The following DCDC2 variants were observed in gnomAD, a reference collection of about 807,000 sequenced individuals.
The protein encoded by DCDC2 is doublecortin domain containing 2.
DCDC2 carries 40 observed loss-of-function variants against 50.2 expected under a neutral mutation model. That is an observed-to-expected ratio of 0.80 (90% CI 0.62 to 1.04). The LOEUF (loss-of-function observed/expected upper bound fraction) is 1.04. Ranked by LOEUF, DCDC2 falls within the 50% of genes least tolerant of loss-of-function variation. The pLI, the probability that DCDC2 is intolerant of heterozygous loss-of-function variation, is 0.00. For missense variants in DCDC2, 570 were observed against 581.9 expected (o/e 0.98, Z 0.21); for synonymous variants, 234 against 210.6 (o/e 1.11, Z -0.96).
chr6:24,261,766 G>A (rs1046050559), intron 7 of DCDC2, among the ~76,000 whole-genome samples: 12 of 152,114 alleles, frequency 7.9e-5, no homozygotes, highest in Admixed American at 7.9e-4. Context: ...CATCTACTAA[G>A]CATAGCTTTT....
chr6:24,339,304 C>G (rs1291511927), intron 2 of DCDC2, among the ~76,000 whole-genome samples: 1 of 152,074 alleles, frequency 6.6e-6, no homozygotes, highest in Non-Finnish European at 1.5e-5. Context: ...CCGCCTGTAT[C>G]CTCCCACACA....
chr6:24,182,659 C>T (rs148963209), intron 8 of DCDC2, among the ~76,000 whole-genome samples: 2,775 of 75,684 alleles, frequency 0.037, 35 homozygotes, highest in Middle Eastern at 0.1. Context: ...AGAAAACAAG[C>T]GTTGACAAGG....
At chr6:24,288,082 T>A (rs991135383) in intron 6 of DCDC2, among the ~76,000 whole-genome samples, 2 of 152,192 alleles carry the variant, frequency 1.3e-5, no homozygotes, top group African/African-American at 4.8e-5. Context: ...TAGGAGACAA[T>A]ATCATTGCCT....
intron 4 of DCDC2, among the ~76,000 whole-genome samples, chr6:24,297,465 A>T (rs1759277780): frequency 6.6e-6 from 1 of 152,192 alleles, no homozygotes; most frequent in South Asian, 2.1e-4. Context: ...CCTAAAATAC[A>T]AGTTTAAAAA....
intron 7 of DCDC2, among the ~76,000 whole-genome samples, chr6:24,251,292 C>T (rs902043456): frequency 6.6e-6 from 1 of 152,118 alleles, no homozygotes; most frequent in Non-Finnish European, 1.5e-5. Context: ...AAAAGTGAAC[C>T]CCAAATGGCG....
intron 2 of DCDC2, among the ~76,000 whole-genome samples, chr6:24,327,093 A>T (rs1759883257): frequency 6.7e-6 from 1 of 148,992 alleles, no homozygotes; most frequent in Non-Finnish European, 1.5e-5. Flanking sequence ...CAGTCAGGGT[A>T]ACTGCACTGT....
chr6:24,307,753 G>A (rs1242496759), intron 2 of DCDC2, among the ~76,000 whole-genome samples: 1 of 150,934 alleles, frequency 6.6e-6, no homozygotes, highest in South Asian at 2.1e-4. Context: ...ATTTTTTAAA[G>A]AATCATTCTT....
chr6:24,268,432 A>G (rs1763172920), intron 7 of DCDC2, among the ~76,000 whole-genome samples: 1 of 152,182 alleles, frequency 6.6e-6, no homozygotes, highest in African/African-American at 2.4e-5. Flanking sequence ...GGTTGCAGTA[A>G]GCTGAGATCA....
intron 2 of DCDC2, among the ~76,000 whole-genome samples, chr6:24,337,307 TTTCTGGTTTCCTATGGGA>T (rs1760073823): frequency 6.6e-6 from 1 of 152,174 alleles, no homozygotes; most frequent in Non-Finnish European, 1.5e-5. Flanking sequence ...TGTAAAAATA[TTTCTGGTTTCCTATGGGA>T]GCCTTTTTAT....
chr6:24,313,672 A>C (rs891423124), intron 2 of DCDC2, among the ~76,000 whole-genome samples: 19 of 152,242 alleles, frequency 1.2e-4, no homozygotes, highest in Admixed American at 2.6e-4. Context: ...GAAATAAGTC[A>C]TTTAGCCCCC....
intron 2 of DCDC2, among the ~76,000 whole-genome samples, chr6:24,336,344 G>T (rs909818754): frequency 7.2e-5 from 11 of 152,022 alleles, no homozygotes; most frequent in African/African-American, 2.7e-4. Flanking sequence ...TTATTGCAAG[G>T]AAAACTCTTG....
chr6:24,372,149 C>T, the DCDC2 span, among the ~76,000 whole-genome samples: 4 of 152,168 alleles, frequency 2.6e-5, no homozygotes, highest in Non-Finnish European at 4.4e-5. Flanking sequence ...AGGCCGGGCG[C>T]GGTGGCTCAC....
intron 8 of DCDC2, among the ~76,000 whole-genome samples, chr6:24,194,728 T>G (rs1040583655): frequency 6.6e-6 from 1 of 152,224 alleles, no homozygotes; most frequent in Non-Finnish European, 1.5e-5. Flanking sequence ...ATCACAGGCA[T>G]CTGCTAATCA....
chr6:24,377,681 G>A, the DCDC2 span, among the ~76,000 whole-genome samples: 1 of 152,130 alleles, frequency 6.6e-6, no homozygotes, highest in African/African-American at 2.4e-5. Context: ...CTGGCATATA[G>A]GATTAAAAGA....
At chr6:24,316,132 T>C (rs1374072329) in intron 2 of DCDC2, among the ~76,000 whole-genome samples, 2 of 152,154 alleles carry the variant, frequency 1.3e-5, no homozygotes, top group African/African-American at 2.4e-5. Context: ...ACATCTGAGA[T>C]GCCTATGAGA....
At chr6:24,237,884 A>C (rs993322138) in intron 7 of DCDC2, among the ~76,000 whole-genome samples, 1 of 151,784 alleles carries the variant, frequency 6.6e-6, no homozygotes, top group East Asian at 2.0e-4. Flanking sequence ...ATGCATAGAC[A>C]TAAAGATGGG....
chr6:24,328,617 G>C (rs1759915792), intron 2 of DCDC2, among the ~76,000 whole-genome samples: 1 of 152,082 alleles, frequency 6.6e-6, no homozygotes, highest in Non-Finnish European at 1.5e-5. Context: ...TAAATTTTAT[G>C]GTTCTATGTC....
chr6:24,278,752 T>C (rs949933428), intron 6 of DCDC2, among the ~76,000 whole-genome samples: 2 of 152,214 alleles, frequency 1.3e-5, no homozygotes, highest in Non-Finnish European at 2.9e-5. Flanking sequence ...TCAATTAATC[T>C]ACAAATACCT....
At chr6:24,204,855 G>C (rs1761673602) in intron 8 of DCDC2, 147 bp downstream of exon 8, 3 of 711,636 alleles carry the variant, frequency 4.2e-6, no homozygotes, top group Non-Finnish European at 6.9e-6. Context: ...ATGGTGTTTT[G>C]TTATGTTTTT....
Sources: allele counts gnomAD v4.1 joint callset (sites outside exome capture counted in the v4.1 genomes callset), GRCh38; gene constraint gnomAD v4.1.1; transcripts MANE v1.5; gene names NCBI Gene and HGNC (gene_info 2026-07-23, HGNC 2026-07-21).